Variants in RIPOR2 observed in about 807,000 individuals in gnomAD.
The protein encoded by RIPOR2 is rho family-interacting cell polarization regulator 2.
In RIPOR2, 39 loss-of-function variants were observed where a neutral mutation model predicts 114.5. That is an observed-to-expected ratio of 0.34 (90% CI 0.26 to 0.44). The LOEUF (loss-of-function observed/expected upper bound fraction) is 0.44, where lower values mean the gene tolerates loss of function less well. Ranked by LOEUF, RIPOR2 falls within the 20% of genes least tolerant of loss-of-function variation. RIPOR2 has a pLI of 1.00. For synonymous variants in RIPOR2, 445 were observed against 484.4 expected, an observed-to-expected ratio of 0.92 and a Z score of 1.07; for missense variants, 1,007 against 1,255.1, an observed-to-expected ratio of 0.80 and a Z score of 2.99.
At chr6:24,904,628 A>T (rs1188752459) in intron 1 of RIPOR2, among the ~76,000 whole-genome samples, 3 of 152,228 alleles carry the variant, frequency 2.0e-5, no homozygotes, top group Admixed American at 2.0e-4. Flanking sequence ...TGCCTACCAT[A>T]GCAGACTTCT....
chr6:24,824,804 C>G (rs1760007981), intron 19 of RIPOR2, among the ~76,000 whole-genome samples: 1 of 152,076 alleles, frequency 6.6e-6, no homozygotes, highest in South Asian at 2.1e-4. Context: ...TATACAAATG[C>G]CCACCAATAC....
At chr6:25,034,221 C>T (rs574187854) in intron 1 of RIPOR2, among the ~76,000 whole-genome samples, 1 of 144,716 alleles carries the variant, frequency 6.9e-6, no homozygotes, top group African/African-American at 2.6e-5. Context: ...TTTTATACAA[C>T]ATGCGCATAT....
intron 19 of RIPOR2, 111 bp from the exon 20 acceptor site, chr6:24,818,736 T>C: frequency 2.0e-6 from 1 of 512,070 alleles, no homozygotes; most frequent in Non-Finnish European, 3.4e-6. Flanking sequence ...CTACACATTT[T>C]GCACTACCTT....
chr6:25,039,666 A>G (rs112224264), intron 1 of RIPOR2, among the ~76,000 whole-genome samples: 185 of 152,332 alleles, frequency 1.2e-3, no homozygotes, highest in African/African-American at 4.1e-3. Flanking sequence ...CATACTAGTG[A>G]AACCATGCAG....
intron 1 of RIPOR2, among the ~76,000 whole-genome samples, chr6:24,961,552 A>G (rs1442843847): frequency 5.3e-5 from 8 of 152,072 alleles, no homozygotes; most frequent in Non-Finnish European, 7.4e-5. Context: ...GGCTGCTGTC[A>G]TAGGCAGTAA....
At chr6:25,016,168 A>T (rs1038614707) in intron 1 of RIPOR2, among the ~76,000 whole-genome samples, 1 of 152,010 alleles carries the variant, frequency 6.6e-6, no homozygotes, top group East Asian at 1.9e-4. Context: ...CGGGCTCCCA[A>T]AGTGCTGGGA....
rs62402003 is a variant in RIPOR2, at chr6:24,860,000, T to C, written c.715+973A>G. On this transcript the variant is annotated intron_variant, in intron 8 of 21. Coordinates refer to ENST00000643898, the MANE Select transcript of RIPOR2 (RefSeq NM_001286445.3). ...GTGATGGCCGCTCATTTGACAGCCA[T>C]GCCTGGCCACTGAGCCGTAAATCTG... Among the ~76,000 whole-genome samples the C allele has an allele frequency of 2.7e-3, 418 of 152,334 alleles. 1 individual carries two copies. The highest frequency in any genetic ancestry group is 6.8e-3 in the Middle Eastern group (2 of 294).
At chr6:25,013,973 C>A (rs1227218431) in intron 1 of RIPOR2, among the ~76,000 whole-genome samples, 1 of 152,068 alleles carries the variant, frequency 6.6e-6, no homozygotes, top group Non-Finnish European at 1.5e-5. Context: ...GGAAGCAGGC[C>A]AAAAATTTAG....
At chr6:24,975,016 A>G (rs557381733) in intron 1 of RIPOR2, among the ~76,000 whole-genome samples, 5 of 152,338 alleles carry the variant, frequency 3.3e-5, no homozygotes, top group Admixed American at 2.6e-4. Flanking sequence ...AGTGACTGCT[A>G]ATGGGTATGG....
chr6:24,976,848 T>G, intron 1 of RIPOR2: 1 of 1,610,318 alleles, frequency 6.2e-7, no homozygotes, highest in African/African-American at 1.3e-5. Flanking sequence ...ACTGAGTGGT[T>G]GGATGGCAAG....
intron 1 of RIPOR2, among the ~76,000 whole-genome samples, chr6:25,018,524 C>T (rs905607154): frequency 6.6e-6 from 1 of 151,988 alleles, no homozygotes; most frequent in African/African-American, 2.4e-5. Flanking sequence ...TTTGATTATA[C>T]CCCTCACCCC....
At chr6:25,033,589 G>A (rs2113763372) in intron 1 of RIPOR2, among the ~76,000 whole-genome samples, 1 of 152,312 alleles carries the variant, frequency 6.6e-6, no homozygotes, top group Admixed American at 6.5e-5. Context: ...AGTGGACAGA[G>A]CTAGGAAGTA....
chr6:24,969,318 C>T (rs1427631192), intron 1 of RIPOR2, among the ~76,000 whole-genome samples: 1 of 152,188 alleles, frequency 6.6e-6, no homozygotes, highest in African/African-American at 2.4e-5. Context: ...AATGCAGACT[C>T]TCAGGCCCAT....
At chr6:24,940,580 C>A (rs1237824301), upstream of RIPOR2, among the ~76,000 whole-genome samples, 2 of 151,970 alleles carry the variant, frequency 1.3e-5, no homozygotes, top group Admixed American at 6.6e-5. Flanking sequence ...AGTAAAGATG[C>A]ACCTAAAAAT....
chr6:24,834,161 T>A (rs748978232), intron 15 of RIPOR2, among the ~76,000 whole-genome samples: 4 of 152,114 alleles, frequency 2.6e-5, no homozygotes, highest in Non-Finnish European at 5.9e-5. Context: ...GTTTTTGACC[T>A]CAAAACTCAA....
At chr6:24,865,503 A>G (rs2113851428) in intron 6 of RIPOR2, 53 bp from the exon 7 acceptor site, 1 of 1,446,860 alleles carries the variant, frequency 6.9e-7, no homozygotes, top group East Asian at 2.4e-5. Context: ...GAAAGAAAAT[A>G]CATAGATCAT....
chr6:24,866,324 T>C (rs1299160925), intron 6 of RIPOR2, among the ~76,000 whole-genome samples: 1 of 152,182 alleles, frequency 6.6e-6, no homozygotes, highest in East Asian at 1.9e-4. Flanking sequence ...GATTTTATAC[T>C]CATATAAGCC....
chr6:24,909,347 C>A (rs371764038), intron 1 of RIPOR2, among the ~76,000 whole-genome samples: 1 of 152,028 alleles, frequency 6.6e-6, no homozygotes, highest in African/African-American at 2.4e-5. Flanking sequence ...TGCTGGTTCT[C>A]GGAGAGTTCG....
intron 1 of RIPOR2, among the ~76,000 whole-genome samples, chr6:25,016,938 T>C (rs1175530777): frequency 6.6e-6 from 1 of 152,108 alleles, no homozygotes; most frequent in Non-Finnish European, 1.5e-5. Context: ...GTTGATAACA[T>C]AGGGAAACAA....
Sources: allele counts gnomAD v4.1 joint callset (sites outside exome capture counted in the v4.1 genomes callset), GRCh38; gene constraint gnomAD v4.1.1; transcripts MANE v1.5; gene names NCBI Gene and HGNC (gene_info 2026-07-23, HGNC 2026-07-21).